STXBP6: variants seen among roughly 807,000 people sequenced by gnomAD.
STXBP6 encodes syntaxin binding protein 6.
In STXBP6, 21 loss-of-function variants were observed where a neutral mutation model predicts 26.9. The observed-to-expected ratio is 0.78, with a 90% CI of 0.55 to 1.12. The LOEUF (loss-of-function observed/expected upper bound fraction) is 1.12. Among genes scored for constraint, STXBP6 ranks in the 50% most tolerant of loss-of-function variants. The probability of loss-of-function intolerance (pLI) is 0.00; values close to 1 mark genes in which losing one functional copy is unlikely to be tolerated. For synonymous variants in STXBP6, 97 were observed against 92.6 expected (o/e 1.05, Z -0.27); for missense variants, 232 against 257.9 (o/e 0.90, Z 0.69).
chr14:24,865,644 C>T (rs1191057067), intron 2 of STXBP6, among the ~76,000 whole-genome samples: 2 of 152,156 alleles, frequency 1.3e-5, no homozygotes, highest in Non-Finnish European at 2.9e-5. Flanking sequence ...CTGTTTCCAT[C>T]ATCCAGACTG....
intron 2 of STXBP6, among the ~76,000 whole-genome samples, chr14:24,917,476 A>G (rs907678387): frequency 6.6e-6 from 1 of 152,102 alleles, no homozygotes; most frequent in African/African-American, 2.4e-5. Context: ...TAAGCACTCA[A>G]GATAATCTCT....
intron 1 of STXBP6, among the ~76,000 whole-genome samples, chr14:25,026,793 T>C (rs1211255956): frequency 2.6e-5 from 4 of 152,124 alleles, no homozygotes; most frequent in Admixed American, 6.5e-5. Context: ...TAAAGTATTC[T>C]GAGAAAAAGA....
At chr14:24,833,375 T>A in intron 4 of STXBP6, among the ~76,000 whole-genome samples, 1 of 152,222 alleles carries the variant, frequency 6.6e-6, no homozygotes, top group East Asian at 1.9e-4. Context: ...GAGCATTTAT[T>A]ATAATGCATC....
chr14:24,884,386 C>T (rs2070490800), intron 2 of STXBP6, among the ~76,000 whole-genome samples: 1 of 152,124 alleles, frequency 6.6e-6, no homozygotes, highest in South Asian at 2.1e-4. Flanking sequence ...CAGAAGGTAC[C>T]AACATCTCCA....
intron 2 of STXBP6, among the ~76,000 whole-genome samples, chr14:24,887,646 G>A (rs1415649522): frequency 1.3e-5 from 2 of 152,116 alleles, no homozygotes; most frequent in African/African-American, 4.8e-5. Context: ...AATCATTTCT[G>A]ATTTGCCACA....
At chr14:24,912,666 A>G (rs2071617268) in intron 2 of STXBP6, among the ~76,000 whole-genome samples, 1 of 152,204 alleles carries the variant, frequency 6.6e-6, no homozygotes, top group Non-Finnish European at 1.5e-5. Flanking sequence ...AGTAAATGTG[A>G]GTACACTTGA....
intron 2 of STXBP6, among the ~76,000 whole-genome samples, chr14:24,858,224 A>G (rs2069408468): frequency 6.6e-6 from 1 of 152,096 alleles, no homozygotes; most frequent in African/African-American, 2.4e-5. Context: ...CACCTACTCC[A>G]ATCACAGTTG....
chr14:24,835,646 C>CCTCT (rs899667254), intron 4 of STXBP6, among the ~76,000 whole-genome samples: 7 of 152,088 alleles, frequency 4.6e-5, no homozygotes. Flanking sequence ...TTCTTCCTCA[C>CCTCT]CTCTGTAAGA....
intron 2 of STXBP6, among the ~76,000 whole-genome samples, chr14:24,906,436 C>G (rs2071389494): frequency 6.6e-6 from 1 of 152,180 alleles, no homozygotes. Flanking sequence ...ACTGTCTCAA[C>G]TGACATTGAT....
chr14:24,931,417 G>A (rs1455665890), intron 2 of STXBP6, among the ~76,000 whole-genome samples: 2 of 152,114 alleles, frequency 1.3e-5, no homozygotes, highest in Non-Finnish European at 2.9e-5. Flanking sequence ...ATATCTGGAT[G>A]TGTAAAAAAA....
At position 24,957,744 on chromosome 14, in the gene STXBP6, C is replaced by T. The variant is rs75057906; in HGVS notation, c.154+16921G>A. 4.6e-3 allele frequency among the ~76,000 whole-genome samples: 702 copies of T among 152,284 alleles called. 15 individuals are homozygous for T. The East Asian group carries it at 0.084, about 18-fold the overall frequency. On this transcript the variant is annotated intron_variant, in intron 2 of 5. Transcript: ENST00000323944. ...CAGCATTTTACATAAATGGAAACTA[C>T]GCCTTAGAAAGGCCTACTGGCCCTC...
chr14:25,002,164 C>T (rs2074775032), intron 1 of STXBP6, among the ~76,000 whole-genome samples: 1 of 152,060 alleles, frequency 6.6e-6, no homozygotes, highest in Non-Finnish European at 1.5e-5. Flanking sequence ...AAAATTATTT[C>T]ACATAAGTAG....
chr14:24,895,076 A>G (rs2070939183), intron 2 of STXBP6, among the ~76,000 whole-genome samples: 1 of 152,106 alleles, frequency 6.6e-6, no homozygotes, highest in Non-Finnish European at 1.5e-5. Context: ...TTTTATCTCA[A>G]ACACTAACCA....
chr14:24,817,382 G>A (rs2068008142), intron 5 of STXBP6: 1 of 152,188 alleles, frequency 6.6e-6, no homozygotes, highest in Non-Finnish European at 1.5e-5. Context: ...CCTGGTTCAT[G>A]GTTTAATCAT....
chr14:24,816,271 C>T (rs2067971933), intron 5 of STXBP6: 1 of 146,158 alleles, frequency 6.8e-6, no homozygotes, highest in African/African-American at 2.4e-5. Context: ...TGCTTGGGTT[C>T]CATCTCTGAA....
chr14:24,873,495 C>T (rs1235193664), intron 2 of STXBP6, among the ~76,000 whole-genome samples: 4 of 152,106 alleles, frequency 2.6e-5, no homozygotes, highest in Non-Finnish European at 5.9e-5. Context: ...GGTAAAAAAG[C>T]CACATTTCCA....
At chr14:25,026,689 C>G (rs547226692) in intron 1 of STXBP6, among the ~76,000 whole-genome samples, 1 of 152,146 alleles carries the variant, frequency 6.6e-6, no homozygotes, top group Admixed American at 6.5e-5. Flanking sequence ...CATCCCTTTT[C>G]TTGTTTGCTC....
chr14:24,987,509 C>CATGA (rs2140268976), intron 1 of STXBP6, among the ~76,000 whole-genome samples: 2 of 152,248 alleles, frequency 1.3e-5, no homozygotes, highest in Non-Finnish European at 2.9e-5. Flanking sequence ...CAGGCAAGCA[C>CATGA]ATCAGCATGT....
At chr14:24,975,886 G>T (rs771441898) in intron 1 of STXBP6, among the ~76,000 whole-genome samples, 2 of 152,148 alleles carry the variant, frequency 1.3e-5, no homozygotes, top group African/African-American at 4.8e-5. Flanking sequence ...TAAATAGTCT[G>T]TGCCCTAATA....
Sources: gnomAD v4.1 joint callset for allele counts (sites outside exome capture counted in the v4.1 genomes callset) on GRCh38, gnomAD v4.1.1 for gene constraint, MANE v1.5 for transcripts, NCBI Gene and HGNC (gene_info 2026-07-23, HGNC 2026-07-21) for gene names.